Variants in PHF21A observed in about 807,000 individuals in gnomAD.
The protein encoded by PHF21A is PHD finger protein 21A.
PHF21A carries 11 observed loss-of-function variants against 82.5 expected under a neutral mutation model. The observed-to-expected ratio is 0.13, with a 90% CI of 0.08 to 0.22. The LOEUF (loss-of-function observed/expected upper bound fraction) is 0.22, where lower values mean the gene tolerates loss of function less well. Among genes scored for constraint, PHF21A ranks in the 10% least tolerant of loss-of-function variants. PHF21A has a pLI of 1.00. For missense variants in PHF21A, 579 were observed against 837.8 expected (o/e 0.69, Z 3.81); for synonymous variants, 297 against 302.8 (o/e 0.98, Z 0.20).
chr11:46,030,926 T>C (rs1361155927), intron 6 of PHF21A, among the ~76,000 whole-genome samples: 1 of 151,046 alleles, frequency 6.6e-6, no homozygotes, highest in Non-Finnish European at 1.5e-5. Flanking sequence ...CCAGAGAAAT[T>C]GCTGATTTTA....
intron 6 of PHF21A, among the ~76,000 whole-genome samples, chr11:46,002,219 T>C (rs2095154352): frequency 6.6e-6 from 1 of 152,224 alleles, no homozygotes; most frequent in Non-Finnish European, 1.5e-5. Flanking sequence ...TTTACATCAT[T>C]ATAATCTGGC....
chr11:46,089,600 G>A (rs2096899598), intron 3 of PHF21A, among the ~76,000 whole-genome samples: 1 of 151,818 alleles, frequency 6.6e-6, no homozygotes, highest in South Asian at 2.1e-4. Context: ...CTCTGAATGT[G>A]GTAAGGCTGC....
In PHF21A at chr11:45,969,913, T is replaced by C; in HGVS notation, c.613-9A>G. On this transcript the variant is annotated splice_polypyrimidine_tract_variant and intron_variant, in intron 8 of 18. Coordinates refer to ENST00000676320, the MANE Select transcript of PHF21A (RefSeq NM_001352027.3). ...GGTGTTGCCTGAACCTGCTAAAAAA[T>C]GAGGAAGATAAATAAACCAGAGAGA... 1 of 1,588,788 alleles carries C rather than the reference T, an allele frequency of 6.3e-7. No individual in the cohort carries two copies. The highest frequency in any genetic ancestry group is 1.1e-5 in the South Asian group (1 of 90,054).
Position 46,081,211 on chromosome 11 carries a change from T to TC in PHF21A, c.55-2046dup, listed in dbSNP as rs138105706. ...AACTGAAGTTGCCAACCATGGGACC[T>TC]CCAAATACACAAGGTATGTGTCACT... On this transcript the variant is annotated intron_variant, in intron 4 of 18. Transcript: ENST00000676320. 2.2e-3 allele frequency among the ~76,000 whole-genome samples: 332 copies of TC among 152,294 alleles called. 1 individual carries two copies. Among genetic ancestry groups the TC allele is most frequent in the Middle Eastern group, 0.01 (3 of 294 alleles).
intron 11 of PHF21A, 129 bp from the exon 12 acceptor site, chr11:45,950,386 A>T: frequency 1.6e-6 from 1 of 624,416 alleles, no homozygotes; most frequent in South Asian, 2.2e-5. Flanking sequence ...AAGAGCAGGC[A>T]TTCTCTAAGC....
chr11:46,017,741 A>C lies in PHF21A; in HGVS notation c.154-37775T>G, dbSNP rs570654769. ...ATTTTGTCCCTAAAAACTGTTCTTG[A>C]TAAATATGTAGACTGATAGGAAAAA... On this transcript the variant is annotated intron_variant, in intron 6 of 18. Transcript: ENST00000676320. 7.2e-5 allele frequency among the ~76,000 whole-genome samples: 11 copies of C among 152,336 alleles called. No individual in the cohort carries two copies. In the East Asian group the frequency reaches 9.6e-4, roughly 13 times the overall value.
At chr11:46,021,074 A>AAG (rs369192032) in intron 6 of PHF21A, among the ~76,000 whole-genome samples, 18,920 of 151,422 alleles carry the variant, frequency 0.12, 1,501 homozygotes, top group African/African-American at 0.23. Flanking sequence ...AAAAAAAAAA[A>AAG]AGAGAGACAA....
At chr11:45,954,510 C>T (rs1188580665) in intron 10 of PHF21A, among the ~76,000 whole-genome samples, 1 of 151,998 alleles carries the variant, frequency 6.6e-6, no homozygotes, top group African/African-American at 2.4e-5. Flanking sequence ...GGCCATCTTG[C>T]AAGAGGCTGA....
rs2088355652 is a variant in PHF21A, at chr11:45,934,553, A to G, written c.1789-328T>C. 3 of 267,928 alleles carry G rather than the reference A, an allele frequency of 1.1e-5. No individual in the cohort carries two copies. The East Asian group carries it at 2.5e-4, about 23-fold the overall frequency. The allele number at this position is 267,928 out of a possible 1,614,324, so 16.6% of individuals were successfully genotyped here. On this transcript the variant is annotated intron_variant, in intron 18 of 18. Coordinates refer to ENST00000676320, the MANE Select transcript of PHF21A (RefSeq NM_001352027.3). ...ACTTCCAAACAAAGGTTGTTTAAAA[A>G]AAAAAAAAAAGTTCCCACAGCTGTC...
chr11:46,030,830 C>CGTGTGTGTGT (rs71038879), intron 6 of PHF21A, among the ~76,000 whole-genome samples: 66 of 142,298 alleles, frequency 4.6e-4, no homozygotes, highest in East Asian at 1.8e-3. Context: ...CGTGTGTGTG[C>CGTGTGTGTGT]GTGTGTGTGT....
intron 1 of PHF21A, among the ~76,000 whole-genome samples, chr11:46,111,689 C>G (rs985772150): frequency 1.3e-5 from 2 of 152,124 alleles, no homozygotes; most frequent in East Asian, 1.9e-4. Context: ...TCCAATATCC[C>G]CAGGCATCCC....
chr11:45,974,456 C>T (rs1051786271), intron 7 of PHF21A, among the ~76,000 whole-genome samples: 4 of 139,894 alleles, frequency 2.9e-5, no homozygotes, highest in East Asian at 2.0e-4. Flanking sequence ...ATTATTATTG[C>T]TGTTTATTTA....
At chr11:46,066,146 A>G (rs2096591477) in intron 6 of PHF21A, among the ~76,000 whole-genome samples, 1 of 152,206 alleles carries the variant, frequency 6.6e-6, no homozygotes, top group African/African-American at 2.4e-5. Flanking sequence ...ATTTTATTTG[A>G]TACACAGGCA....
intron 6 of PHF21A, among the ~76,000 whole-genome samples, chr11:46,065,098 C>T (rs532027891): frequency 5.2e-4 from 79 of 152,254 alleles, no homozygotes; most frequent in South Asian, 1.0e-3. Context: ...CTTGAATATC[C>T]ATTCTTCTCC....
At chr11:45,972,520 G>A (rs2093817880) in intron 7 of PHF21A, among the ~76,000 whole-genome samples, 1 of 152,200 alleles carries the variant, frequency 6.6e-6, no homozygotes, top group Non-Finnish European at 1.5e-5. Context: ...GCTCACACAT[G>A]TAATCCCAGC....
intron 6 of PHF21A, among the ~76,000 whole-genome samples, chr11:46,028,712 T>C (rs953441906): frequency 6.6e-6 from 1 of 152,028 alleles, no homozygotes; most frequent in African/African-American, 2.4e-5. Flanking sequence ...TAGCTGGGAT[T>C]ACAGGCGCCC....
chr11:45,997,114 C>T (rs150111211), intron 6 of PHF21A, among the ~76,000 whole-genome samples: 4 of 152,198 alleles, frequency 2.6e-5, no homozygotes, highest in Non-Finnish European at 5.9e-5. Flanking sequence ...AAGTGTTTGG[C>T]GGAGAAATGT....
chr11:46,006,199 A>G (rs2095290777), intron 6 of PHF21A, among the ~76,000 whole-genome samples: 1 of 152,248 alleles, frequency 6.6e-6, no homozygotes, highest in Non-Finnish European at 1.5e-5. Context: ...TTTAAAATTA[A>G]ATGTTATAAA....
chr11:45,985,628 T>G (rs1378314194), intron 6 of PHF21A, among the ~76,000 whole-genome samples: 1 of 152,212 alleles, frequency 6.6e-6, no homozygotes, highest in Non-Finnish European at 1.5e-5. Flanking sequence ...CTAAAATAAT[T>G]GCACTTTCTT....
Sources: allele counts gnomAD v4.1 joint callset (sites outside exome capture counted in the v4.1 genomes callset), GRCh38; gene constraint gnomAD v4.1.1; transcripts MANE v1.5; gene names NCBI Gene and HGNC (gene_info 2026-07-23, HGNC 2026-07-21).